Variants in TNKS observed in about 807,000 individuals in gnomAD.
The protein encoded by TNKS is tankyrase, also known as poly [ADP-ribose] polymerase tankyrase-1.
TNKS carries 72 observed loss-of-function variants against 135.8 expected under a neutral mutation model. That is an observed-to-expected ratio of 0.53 (90% CI 0.44 to 0.64). The LOEUF (loss-of-function observed/expected upper bound fraction) is 0.64, where lower values mean the gene tolerates loss of function less well. TNKS is among the 30% of genes least tolerant of loss of function. The pLI, the probability that TNKS is intolerant of heterozygous loss-of-function variation, is 0.00. For synonymous variants in TNKS, 849 were observed against 649.3 expected, an observed-to-expected ratio of 1.31 and a Z score of -4.68; for missense variants, 1,769 against 1,674.0, an observed-to-expected ratio of 1.06 and a Z score of -0.99.
chr8:9,638,468 C>T (rs1052611213), intron 3 of TNKS, among the ~76,000 whole-genome samples: 1 of 152,204 alleles, frequency 6.6e-6, no homozygotes, highest in Non-Finnish European at 1.5e-5. Flanking sequence ...GCCCATGCAG[C>T]TGCATCCATA....
chr8:9,640,372 C>A (rs987281546), intron 3 of TNKS, among the ~76,000 whole-genome samples: 3 of 135,358 alleles, frequency 2.2e-5, no homozygotes, highest in Admixed American at 1.6e-4. Context: ...TAAAGTTCCT[C>A]CCTCTCAATA....
intron 1 of TNKS, chr8:9,558,511 A>G (rs899793256): frequency 1.5e-4 from 23 of 152,178 alleles, no homozygotes; most frequent in African/African-American, 5.5e-4. Context: ...TGCGTCACAA[A>G]TCATGTCATT....
Position 9,697,857 on chromosome 8 carries a change from C to G in TNKS, c.1108-6806C>G, listed in dbSNP as rs958802812. 7.4e-4 allele frequency among the ~76,000 whole-genome samples: 112 copies of G among 152,090 alleles called. 1 individual carries two copies. The highest frequency in any genetic ancestry group is 1.3e-4 in the Non-Finnish European group (9 of 68,004). On this transcript the variant is annotated intron_variant, in intron 5 of 26. Transcript: ENST00000310430. Reference sequence around the variant, plus strand: ...GGAATGCAGTTTGGAAATTTCTCAACTTAAAACAGAGCTACCATTAGGCCC... The same window carrying G: ...GGAATGCAGTTTGGAAATTTCTCAAGTTAAAACAGAGCTACCATTAGGCCC...
At chr8:9,767,819 C>T (rs1429621181) in intron 25 of TNKS, among the ~76,000 whole-genome samples, 3 of 151,820 alleles carry the variant, frequency 2.0e-5, no homozygotes, top group Non-Finnish European at 2.9e-5. Flanking sequence ...ATTAGCCGGG[C>T]GTGGTGGCAG....
chr8:9,557,825 A>G lies in TNKS; in HGVS notation c.673+1213A>G, dbSNP rs559355466. On this transcript the variant is annotated intron_variant, in intron 1 of 26. Coordinates refer to ENST00000310430, the MANE Select transcript of TNKS (RefSeq NM_003747.3). ...ATGATTAACCATTTTACAGATGACA[A>G]AAGTGAAGCATATATCGATCGCTTA... is the stretch of plus-strand genomic sequence containing the variant. The G allele has an allele frequency of 1.7e-3, 260 of 152,318 alleles. 3 individuals are homozygous for G. The highest frequency in any genetic ancestry group is 5.9e-3 in the African/African-American group (246 of 41,566). 9.4% of individuals were successfully genotyped at this position (152,318 alleles called of 1,614,324 possible).
At chr8:9,742,048 CA>C (rs1417328422) in intron 17 of TNKS, among the ~76,000 whole-genome samples, 10 of 152,096 alleles carry the variant, frequency 6.6e-5, no homozygotes, top group Admixed American at 6.5e-4. Flanking sequence ...TGAGAATGAT[CA>C]AAAAATTCTC....
chr8:9,582,097 T>C (rs1798189057), intron 2 of TNKS, among the ~76,000 whole-genome samples: 2 of 152,226 alleles, frequency 1.3e-5, no homozygotes, highest in Admixed American at 1.3e-4. Flanking sequence ...GTATGTATCA[T>C]AGTTATTATG....
chr8:9,623,740 G>T (rs1470387193), intron 3 of TNKS, among the ~76,000 whole-genome samples: 1 of 152,140 alleles, frequency 6.6e-6, no homozygotes, highest in African/African-American at 2.4e-5. Context: ...TGTGGCTCAT[G>T]CCTGTAATCT....
rs550629115 is a variant in TNKS at position 9,706,476 on chromosome 8, C to A, written c.1269+223C>A. On this transcript the variant is annotated intron_variant, in intron 7 of 26. Transcript: ENST00000310430. ...CCTCCCAAGTTCAAGTGATCCTCCC[C>A]CTCAGCCTCCCCAGTAGCTGGGATT... Among the ~76,000 whole-genome samples the A allele has an allele frequency of 1.2e-3, 182 of 152,288 alleles. 1 individual carries two copies. The highest frequency in any genetic ancestry group is 4.3e-3 in the African/African-American group (177 of 41,558).
chr8:9,698,110 T>TGGAGCCAGAGGCCATTAACCTA (rs1563174296), intron 5 of TNKS, among the ~76,000 whole-genome samples: 1 of 152,094 alleles, frequency 6.6e-6, no homozygotes. Context: ...GCAATATGAA[T>TGGAGCCAGAGGCCATTAACCTA]GGAGCCAGAG....
chr8:9,772,243 A>C (rs1408103428), intron 26 of TNKS: 3 of 374,442 alleles, frequency 8.0e-6, no homozygotes, highest in African/African-American at 6.4e-5. Flanking sequence ...CTTATTACAG[A>C]CTTACTTTCA....
chr8:9,767,469 A>T (rs1807525075), intron 25 of TNKS, among the ~76,000 whole-genome samples: 1 of 152,210 alleles, frequency 6.6e-6, no homozygotes, highest in South Asian at 2.1e-4. Context: ...TAAGACCTTA[A>T]AAAGACCCAA....
At chr8:9,616,161 G>C (rs1388615838) in intron 3 of TNKS, among the ~76,000 whole-genome samples, 1 of 152,100 alleles carries the variant, frequency 6.6e-6, no homozygotes, top group African/African-American at 2.4e-5. Context: ...CTTTTACCAT[G>C]ATAGCTAAGT....
Position 9,715,989 on chromosome 8 carries a change from A to T in TNKS, c.1750-4385A>T, listed in dbSNP as rs993066716. 6.6e-5 allele frequency among the ~76,000 whole-genome samples: 10 copies of T among 152,314 alleles called. 1 individual carries two copies. Among genetic ancestry groups the T allele is most frequent in the African/African-American group, 2.4e-4 (10 of 41,582 alleles). On this transcript the variant is annotated intron_variant, in intron 11 of 26. Coordinates refer to ENST00000310430, the MANE Select transcript of TNKS (RefSeq NM_003747.3). ...TTAAGAAAACTTACGCCCCAACTGC[A>T]TATGGTATTCAAGAAGTTTAATTCA...
intron 13 of TNKS, among the ~76,000 whole-genome samples, chr8:9,730,299 C>G (rs181765136): frequency 6.6e-6 from 1 of 152,212 alleles, no homozygotes; most frequent in East Asian, 1.9e-4. Context: ...AGCCTAAAAA[C>G]TAGGGTATGA....
chr8:9,586,284 A>G (rs1157834465), intron 2 of TNKS, among the ~76,000 whole-genome samples: 1 of 152,178 alleles, frequency 6.6e-6, no homozygotes, highest in Non-Finnish European at 1.5e-5. Context: ...GACTATATAA[A>G]GATAGTATTA....
intron 19 of TNKS, among the ~76,000 whole-genome samples, chr8:9,752,051 C>T (rs1806572901): frequency 1.3e-5 from 2 of 152,144 alleles, no homozygotes; most frequent in Admixed American, 1.3e-4. Context: ...TCTGTATATT[C>T]TAGAGCATCT....
At chr8:9,700,029 C>A (rs1803719945) in intron 5 of TNKS, among the ~76,000 whole-genome samples, 1 of 152,144 alleles carries the variant, frequency 6.6e-6, no homozygotes, top group Admixed American at 6.5e-5. Context: ...TTCTGTTTAT[C>A]CAAAGTCTCA....
At chr8:9,636,552 C>G (rs935879773) in intron 3 of TNKS, among the ~76,000 whole-genome samples, 3 of 152,000 alleles carry the variant, frequency 2.0e-5, no homozygotes, top group Non-Finnish European at 4.4e-5. Context: ...AGTTCCCAGG[C>G]CTCATTTCAG....
Sources: allele counts gnomAD v4.1 joint callset (sites outside exome capture counted in the v4.1 genomes callset), GRCh38; gene constraint gnomAD v4.1.1; transcripts MANE v1.5; gene names NCBI Gene and HGNC (gene_info 2026-07-23, HGNC 2026-07-21).